Variants in ZC3H18 observed in about 807,000 individuals in gnomAD.
ZC3H18 encodes zinc finger CCCH domain-containing protein 18.
ZC3H18 carries 8 observed loss-of-function variants against 106.1 expected under a neutral mutation model. That is an observed-to-expected ratio of 0.08 (90% CI 0.04 to 0.14). The LOEUF (loss-of-function observed/expected upper bound fraction) is 0.14. ZC3H18 is among the 10% of genes least tolerant of loss of function. The pLI is 1.00. For missense variants in ZC3H18, 1,318 were observed against 1,278.4 expected, an observed-to-expected ratio of 1.03 and a Z score of -0.47; for synonymous variants, 635 against 522.1, an observed-to-expected ratio of 1.22 and a Z score of -2.95.
At chr16:88,586,754 T>C in intron 3 of ZC3H18, 70 bp downstream of exon 3, 1 of 1,269,470 alleles carries the variant, frequency 7.9e-7, no homozygotes, top group East Asian at 2.4e-5. Context: ...TGGTGCTGGC[T>C]CACCTTGCCA....
chr16:88,570,849 T>G (rs368273534), intron 1 of ZC3H18, among the ~76,000 whole-genome samples: 13 of 152,334 alleles, frequency 8.5e-5, no homozygotes, highest in African/African-American at 3.1e-4. Context: ...AGAGTTTATT[T>G]TCCTGAAGCT....
chr16:88,628,782 C>A lies in ZC3H18; in HGVS notation c.2494C>A (p.Arg832Ser), dbSNP rs746717094. ...NKAADKGSRK[R>S]YEPSDKDRQS... The stretch of plus-strand genomic sequence containing the variant: ...GGCGGCTGATAAAGGAAGCAGGAAG[C>A]GCTATGAACCATCAGACAAGGACAG... Residue 832 changes from arginine to serine, a missense_variant, in exon 16 of 18, where the codon CGC becomes AGC. This residue lies in a region of ZC3H18 where 848 missense variants were observed against 821.7 expected (regional missense o/e 1.03). Coordinates refer to ENST00000301011, the MANE Select transcript of ZC3H18 (RefSeq NM_144604.4). The A allele has an allele frequency of 2.5e-6, 4 of 1,614,068 alleles. No individual in the cohort carries two copies.
intron 1 of ZC3H18, among the ~76,000 whole-genome samples, chr16:88,575,075 C>T (rs184878309): frequency 1.7e-3 from 259 of 151,344 alleles, no homozygotes; most frequent in African/African-American, 6.0e-3. Context: ...GTGATCCACC[C>T]GCCTCGGCCT....
At position 88,630,595 on chromosome 16, in the gene ZC3H18, A is replaced by T. The variant is rs371682320; in HGVS notation, c.2663+14A>T. 23 of 1,592,834 alleles carry T rather than the reference A, an allele frequency of 1.4e-5. No homozygotes were observed. The highest frequency in any genetic ancestry group is 1.6e-5 in the Non-Finnish European group (19 of 1,173,238). The stretch of plus-strand genomic sequence containing the variant: ...CCCGGCTGACAGGTGAGTCCCACCC[A>T]GCATGTGCCCTGGGCACACCGAGGG... On this transcript the variant is annotated intron_variant, in intron 17 of 17. Coordinates refer to ENST00000301011, the MANE Select transcript of ZC3H18 (RefSeq NM_144604.4).
chr16:88,592,349 A>G (rs981151984), intron 3 of ZC3H18, among the ~76,000 whole-genome samples: 2 of 152,124 alleles, frequency 1.3e-5, no homozygotes, highest in African/African-American at 4.8e-5. Flanking sequence ...TCAGTTTTGA[A>G]TCCTTGCAAA....
chr16:88,628,697 G>A, intron 15 of ZC3H18, 61 bp from the exon 16 acceptor site: 1 of 1,556,762 alleles, frequency 6.4e-7, no homozygotes, highest in African/African-American at 1.4e-5. Context: ...GTCCTCTGGG[G>A]CGAGGACACG....
At chr16:88,583,458 AG>A (rs1431012818) in intron 2 of ZC3H18, among the ~76,000 whole-genome samples, 1 of 152,186 alleles carries the variant, frequency 6.6e-6, no homozygotes. Context: ...CGTGGTGCAA[AG>A]GGGAAGGCGA....
At chr16:88,611,241 C>A in intron 7 of ZC3H18, 27 bp from the exon 8 acceptor site, 1 of 756,720 alleles carries the variant, frequency 1.3e-6, no homozygotes, top group East Asian at 2.4e-5. Flanking sequence ...CGCACGGTGT[C>A]CCCATGTGTT....
Position 88,624,074 on chromosome 16 carries a change from G to T in ZC3H18, c.1898+12G>T. ...CCCGGGAAAGCAGGGTGAGTGCCCA[G>T]CCTGTGGGCAAGTCCTGGCCGGCCA... On this transcript the variant is annotated intron_variant, in intron 11 of 17. Coordinates refer to ENST00000301011, the MANE Select transcript of ZC3H18 (RefSeq NM_144604.4). 3.1e-6 allele frequency: 5 copies of T among 1,604,776 alleles called. No homozygotes were observed. The highest frequency in any genetic ancestry group is 4.3e-6 in the Non-Finnish European group (5 of 1,175,476).
At position 88,589,992 on chromosome 16, in the gene ZC3H18, A is replaced by G. The variant is rs570690523; in HGVS notation, c.688+3308A>G. Among the ~76,000 whole-genome samples, 7 of 152,338 alleles carry G rather than the reference A, an allele frequency of 4.6e-5. No homozygotes were observed. The South Asian group carries it at 1.0e-3, about 23-fold the overall frequency. ...AATTAGAAAATTCTTTTCTTAGAAA[A>G]AAGTCGGTGGCTGGGCATGGTAGCT... On this transcript the variant is annotated intron_variant, in intron 3 of 17. Coordinates refer to ENST00000301011, the MANE Select transcript of ZC3H18 (RefSeq NM_144604.4).
chr16:88,571,968 A>C (rs1473025871), intron 1 of ZC3H18, among the ~76,000 whole-genome samples: 1 of 152,230 alleles, frequency 6.6e-6, no homozygotes, highest in African/African-American at 2.4e-5. Context: ...TCTTTGCCAG[A>C]ATCTCTTTAG....
At chr16:88,573,009 A>G (rs1164175197) in intron 1 of ZC3H18, among the ~76,000 whole-genome samples, 1 of 152,042 alleles carries the variant, frequency 6.6e-6, no homozygotes, top group Non-Finnish European at 1.5e-5. Flanking sequence ...CTCCCGCTTC[A>G]GCCTCCCAAA....
At chr16:88,628,601 C>G in intron 15 of ZC3H18, 157 bp from the exon 16 acceptor site, 1 of 733,482 alleles carries the variant, frequency 1.4e-6, no homozygotes, top group South Asian at 1.8e-5. Context: ...GGTCCGGGTC[C>G]TGGAGGCCTC....
intron 8 of ZC3H18, among the ~76,000 whole-genome samples, chr16:88,612,456 G>T (rs2142754210): frequency 6.6e-6 from 1 of 150,754 alleles, no homozygotes; most frequent in East Asian, 1.9e-4. Flanking sequence ...TTGAAGCCAG[G>T]AGTTTGAGAC....
chr16:88,620,522 A>G (rs1474002108), intron 8 of ZC3H18, among the ~76,000 whole-genome samples: 3 of 150,944 alleles, frequency 2.0e-5, no homozygotes, highest in African/African-American at 4.9e-5. Context: ...TCAAGGCTGC[A>G]GTGATTATGC....
chr16:88,623,770 C>T (rs1020714950), intron 10 of ZC3H18, 188 bp from the exon 11 acceptor site: 22 of 1,127,784 alleles, frequency 2.0e-5, no homozygotes, highest in South Asian at 8.1e-5. Context: ...ACACCTTCCA[C>T]GCTCTCTGGT....
intron 8 of ZC3H18, among the ~76,000 whole-genome samples, chr16:88,616,743 G>A (rs1905632970): frequency 6.6e-6 from 1 of 152,114 alleles, no homozygotes; most frequent in Non-Finnish European, 1.5e-5. Context: ...ACCTAAACTG[G>A]AAGAAAATGA....
At chr16:88,625,384 C>G in intron 13 of ZC3H18, 117 bp downstream of exon 13, 1 of 1,274,884 alleles carries the variant, frequency 7.8e-7, no homozygotes, top group Non-Finnish European at 1.1e-6. Context: ...CCTTCTGGAT[C>G]TGAGTCACCC....
chr16:88,596,966 G>C (rs1244781586), intron 3 of ZC3H18, among the ~76,000 whole-genome samples: 2 of 152,160 alleles, frequency 1.3e-5, no homozygotes, highest in Non-Finnish European at 2.9e-5. Flanking sequence ...TGTTGCCCAG[G>C]CTGGAGTGCA....
Sources: allele counts gnomAD v4.1 joint callset (sites outside exome capture counted in the v4.1 genomes callset), GRCh38; gene constraint gnomAD v4.1.1; regional missense constraint gnomAD v4.1.1; transcripts MANE v1.5; gene names NCBI Gene and HGNC (gene_info 2026-07-23, HGNC 2026-07-21).